PLCL2: variants seen among roughly 807,000 people sequenced by gnomAD.
PLCL2 encodes the protein phospholipase C like 2.
Under a neutral mutation model 79.6 loss-of-function variants are expected in PLCL2, and 4 were observed. The ratio of observed to expected loss-of-function variants is 0.05; its 90% CI spans 0.02 to 0.11. PLCL2 has a LOEUF of 0.11. PLCL2 is among the 10% of genes least tolerant of loss of function. PLCL2 has a pLI of 1.00. For missense variants in PLCL2, 895 were observed against 1,291.0 expected (o/e 0.69, Z 4.70); for synonymous variants, 484 against 457.7 (o/e 1.06, Z -0.73).
At chr3:16,992,430 C>T (rs1433996018) in intron 1 of PLCL2, among the ~76,000 whole-genome samples, 1 of 152,216 alleles carries the variant, frequency 6.6e-6, no homozygotes, top group African/African-American at 2.4e-5. Context: ...CTCACCACAC[C>T]TCCGTTATCA....
chr3:17,041,403 T>A (rs2064719864), intron 3 of PLCL2, among the ~76,000 whole-genome samples: 1 of 152,170 alleles, frequency 6.6e-6, no homozygotes, highest in South Asian at 2.1e-4. Context: ...AAGGCGTAAA[T>A]AAATGCCTGC....
At chr3:17,033,200 A>T (rs1220805246) in intron 3 of PLCL2, among the ~76,000 whole-genome samples, 1 of 152,140 alleles carries the variant, frequency 6.6e-6, no homozygotes, top group Non-Finnish European at 1.5e-5. Flanking sequence ...AAAAGTTGAG[A>T]ATAGCTAGCT....
intron 1 of PLCL2, among the ~76,000 whole-genome samples, chr3:16,932,031 A>T (rs1208231230): frequency 6.6e-6 from 1 of 152,146 alleles, no homozygotes; most frequent in Non-Finnish European, 1.5e-5. Context: ...TGCAGCCTGG[A>T]GAGGGCCCTC....
chr3:16,987,028 C>G (rs2064056893), intron 1 of PLCL2, among the ~76,000 whole-genome samples: 1 of 151,288 alleles, frequency 6.6e-6, no homozygotes, highest in South Asian at 2.1e-4. Context: ...TTTATGGGGT[C>G]TGGGTGCCAG....
At chr3:16,925,951 ATTGTTTTCT>A (rs1018929462) in intron 1 of PLCL2, among the ~76,000 whole-genome samples, 9 of 152,256 alleles carry the variant, frequency 5.9e-5, no homozygotes, top group African/African-American at 1.9e-4. Flanking sequence ...AAACTGTGAG[ATTGTTTTCT>A]AAAGCAGCCC....
chr3:17,084,880 T>A (rs1260346440), intron 5 of PLCL2, among the ~76,000 whole-genome samples: 1 of 152,216 alleles, frequency 6.6e-6, no homozygotes, highest in African/African-American at 2.4e-5. Flanking sequence ...GCAAAGATGT[T>A]CTCTGACACC....
In PLCL2 at chr3:17,009,395, T is replaced by C. The variant is rs183208931; in HGVS notation, c.328-279T>C. On this transcript the variant is annotated intron_variant, in intron 1 of 5. Transcript: ENST00000615277. The surrounding 1 kb of genome is among the most constrained non-coding windows in gnomAD (Gnocchi z 4.0). ...CCTTAGCCTCCCAAAGTGCTGAGTT[T>C]ATAGGTGTGAACCTCCGTCCCTGGC... is the stretch of plus-strand genomic sequence containing the variant. Among the ~76,000 whole-genome samples the C allele has an allele frequency of 1.1e-3, 171 of 152,296 alleles. 1 individual carries two copies. Among genetic ancestry groups the C allele is most frequent in the African/African-American group, 3.7e-3 (154 of 41,568 alleles).
intron 3 of PLCL2, among the ~76,000 whole-genome samples, chr3:17,038,959 T>C (rs1037139888): frequency 3.9e-5 from 6 of 152,190 alleles, no homozygotes; most frequent in Non-Finnish European, 8.8e-5. Context: ...TTGCCTATAA[T>C]ACCAGATTAC....
intron 3 of PLCL2, among the ~76,000 whole-genome samples, chr3:17,030,101 A>AT (rs977952853): frequency 2.7e-4 from 41 of 151,914 alleles, no homozygotes; most frequent in African/African-American, 9.7e-4. Context: ...TGTTTCTCTC[A>AT]TTTTTTTAAG....
intron 1 of PLCL2, among the ~76,000 whole-genome samples, chr3:16,981,149 G>A (rs1389705776): frequency 8.8e-6 from 1 of 114,026 alleles, no homozygotes; most frequent in African/African-American, 3.8e-5. Flanking sequence ...AGGGAGACTC[G>A]GGGGAGAGGG....
intron 1 of PLCL2, among the ~76,000 whole-genome samples, chr3:16,994,031 G>C (rs879367619): frequency 1.3e-5 from 2 of 152,226 alleles, no homozygotes; most frequent in Non-Finnish European, 2.9e-5. Flanking sequence ...CTTAACAGCA[G>C]TGAGGCCTGG....
At chr3:17,046,799 C>T (rs2064785348) in intron 4 of PLCL2, among the ~76,000 whole-genome samples, 1 of 152,144 alleles carries the variant, frequency 6.6e-6, no homozygotes, top group South Asian at 2.1e-4. Context: ...CAGCCTGACT[C>T]ACAGGCCAAC....
At chr3:17,066,746 C>G (rs980722301) in intron 4 of PLCL2, among the ~76,000 whole-genome samples, 1 of 152,118 alleles carries the variant, frequency 6.6e-6, no homozygotes, top group African/African-American at 2.4e-5. Context: ...GTGAACTCCA[C>G]TATGCAATTG....
intron 1 of PLCL2, among the ~76,000 whole-genome samples, chr3:16,915,513 A>G (rs1414378541): frequency 6.6e-6 from 1 of 152,190 alleles, no homozygotes; most frequent in East Asian, 1.9e-4. Context: ...GGCACTGGCA[A>G]CAGTTACTTC....
intron 1 of PLCL2, among the ~76,000 whole-genome samples, chr3:16,932,270 G>A (rs17200543): frequency 0.16 from 24,919 of 152,146 alleles, 2,507 homozygotes; most frequent in Non-Finnish European, 0.21. Context: ...GTTAGCATAC[G>A]CATTGTCTCA....
At chr3:17,033,436 G>A (rs1397350987) in intron 3 of PLCL2, among the ~76,000 whole-genome samples, 2 of 152,022 alleles carry the variant, frequency 1.3e-5, no homozygotes, top group African/African-American at 4.8e-5. Flanking sequence ...AAATTTTTTG[G>A]AAATATTTTG....
chr3:17,081,350 A>C (rs886946207), intron 5 of PLCL2: 9 of 431,722 alleles, frequency 2.1e-5, no homozygotes, highest in Non-Finnish European at 4.2e-5. Flanking sequence ...TTCAACATCC[A>C]AGCATGTGGC....
chr3:17,063,240 CCCTGCCTT>C (rs2064970933), intron 4 of PLCL2, among the ~76,000 whole-genome samples: 57 of 53,158 alleles, frequency 1.1e-3, no homozygotes, highest in Middle Eastern at 7.1e-3. Flanking sequence ...CTCCCTCCCT[CCCTGCCTT>C]CCTCCCTTCC....
intron 3 of PLCL2, among the ~76,000 whole-genome samples, chr3:17,026,563 G>A (rs1010835011): frequency 2.1e-4 from 32 of 152,050 alleles, no homozygotes; most frequent in African/African-American, 6.3e-4. Flanking sequence ...GTAATTCTGC[G>A]GCATGAAATA....
Sources: gnomAD v4.1 joint callset for allele counts (sites outside exome capture counted in the v4.1 genomes callset) on GRCh38, gnomAD v4.1.1 for gene constraint, Gnocchi (gnomAD v3.1) non-coding constraint, MANE v1.5 for transcripts, NCBI Gene and HGNC (gene_info 2026-07-23, HGNC 2026-07-21) for gene names.